The following ACAA2 variants were observed in gnomAD, a reference collection of about 807,000 sequenced individuals.
ACAA2 encodes the protein 3-ketoacyl-CoA thiolase, mitochondrial.
Under a neutral mutation model 44.8 loss-of-function variants are expected in ACAA2, and 35 were observed. The observed-to-expected ratio is 0.78, with a 90% CI of 0.60 to 1.04. ACAA2 has a LOEUF of 1.04. Among genes scored for constraint, ACAA2 ranks in the 50% least tolerant of loss-of-function variants. The pLI is 0.00. For missense variants in ACAA2, 468 were observed against 482.6 expected (o/e 0.97, Z 0.28); for synonymous variants, 142 against 166.5 (o/e 0.85, Z 1.13).
At chr18:49,792,033 C>T (rs1598793521) in intron 6 of ACAA2, 119 bp downstream of exon 6, 1 of 708,714 alleles carries the variant, frequency 1.4e-6, no homozygotes, top group East Asian at 2.7e-5. Context: ...AATATGAACA[C>T]TATTAGTTTA....
chr18:49,789,445 T>C (rs183429831), intron 7 of ACAA2, among the ~76,000 whole-genome samples: 1 of 152,262 alleles, frequency 6.6e-6, no homozygotes, highest in Admixed American at 6.5e-5. Context: ...AATGTACAGC[T>C]CTGTTCAAGC....
Position 49,785,246 on chromosome 18 carries a change from G to T in ACAA2, c.1060C>A (p.Leu354Met), listed in dbSNP as rs368291961. ...GTAATTCTTGATCCAGATCCTCCCA[G>T]TGGGTGACCCAAAGCAATGGCTCCT... The part of the protein sequence containing the change: ...NGGAIALGHP[L>M]GGSGSRITAH... Residue 354 changes from leucine (L) to methionine (M), a missense_variant, in exon 9 of 10, where the codon CTG becomes ATG. Transcript: ENST00000285093. The T allele has an allele frequency of 1.1e-4, 170 of 1,614,042 alleles. No individual in the cohort carries two copies. Among genetic ancestry groups the T allele is most frequent in the Non-Finnish European group, 9.7e-5 (115 of 1,180,016 alleles).
At position 49,783,416 on chromosome 18, in the gene ACAA2, A is replaced by T. The variant is rs1383329595; in HGVS notation, c.*431T>A. ...TTAATACCAGTGAATTGTACGCTAAAAAAGGGTTAAGATGGTAAAGTTTAT... is the reference window on the plus strand; with the variant it reads ...TTAATACCAGTGAATTGTACGCTAATAAAGGGTTAAGATGGTAAAGTTTAT... On this transcript the variant is annotated 3_prime_UTR_variant, in exon 10 of 10. Transcript: ENST00000285093. 1 of 155,196 alleles carries T rather than the reference A, an allele frequency of 6.4e-6. No homozygotes were observed. The highest frequency in any genetic ancestry group is 1.4e-5 in the Non-Finnish European group (1 of 69,732). 9.6% of individuals were successfully genotyped at this position (155,196 alleles called of 1,614,324 possible).
intron 1 of ACAA2, among the ~76,000 whole-genome samples, chr18:49,810,071 A>G (rs1188870685): frequency 1.3e-5 from 2 of 152,204 alleles, no homozygotes; most frequent in Non-Finnish European, 2.9e-5. Flanking sequence ...GTCGGATAGT[A>G]AAAAAACACG....
intron 1 of ACAA2, among the ~76,000 whole-genome samples, chr18:49,807,088 C>T (rs191141474): frequency 6.6e-6 from 1 of 152,120 alleles, no homozygotes; most frequent in Non-Finnish European, 1.5e-5. Flanking sequence ...TGAATCCAGG[C>T]AAAAATGCGT....
At chr18:49,793,348 T>C (rs1276949324) in intron 5 of ACAA2, among the ~76,000 whole-genome samples, 1 of 152,240 alleles carries the variant, frequency 6.6e-6, no homozygotes, top group Non-Finnish European at 1.5e-5. Context: ...TGCCCTTATT[T>C]GGTTTTAAAA....
chr18:49,807,820 G>C (rs1400635169), intron 1 of ACAA2, among the ~76,000 whole-genome samples: 1 of 152,084 alleles, frequency 6.6e-6, no homozygotes, highest in Non-Finnish European at 1.5e-5. Flanking sequence ...GACAGAGCGG[G>C]ACCCTCTAAA....
intron 2 of ACAA2, among the ~76,000 whole-genome samples, chr18:49,802,087 C>G (rs2023556912): frequency 6.6e-6 from 1 of 152,060 alleles, no homozygotes; most frequent in South Asian, 2.1e-4. Flanking sequence ...CTTGGGTTTA[C>G]TAAGGTGGCA....
intron 5 of ACAA2, among the ~76,000 whole-genome samples, chr18:49,793,036 G>C (rs2023424268): frequency 6.6e-6 from 1 of 152,062 alleles, no homozygotes. Flanking sequence ...GTTTGCTATA[G>C]ATGTAATGGC....
chr18:49,799,490 T>C (rs1158233201), intron 2 of ACAA2, among the ~76,000 whole-genome samples: 1 of 152,224 alleles, frequency 6.6e-6, no homozygotes, highest in Non-Finnish European at 1.5e-5. Flanking sequence ...GTGCTGGGAT[T>C]GCGGACGGAG....
rs2023280667 is a variant in ACAA2 at position 49,782,667 on chromosome 18, T to TGAAACCCCATC, written c.*1169_*1179dup. 6.6e-6 allele frequency: 1 copy of TGAAACCCCATC among 150,792 alleles called. No homozygotes were observed. Among genetic ancestry groups the TGAAACCCCATC allele is most frequent in the African/African-American group, 2.4e-5 (1 of 40,910 alleles). 9.3% of individuals were successfully genotyped at this position (150,792 alleles called of 1,614,324 possible). A position where few individuals can be genotyped will look rare whatever the true frequency, so the allele number is the denominator to read the frequency against. ...ATCGAGACCATCCTGGCTAACACGG[T>TGAAACCCCATC]GAAACCCCATCTCTACTAAAAATAC... On this transcript the variant is annotated 3_prime_UTR_variant, in exon 10 of 10. Transcript: ENST00000285093.
chr18:49,789,091 T>G lies in ACAA2; in HGVS notation c.884-1730A>C, dbSNP rs2023367729. On this transcript the variant is annotated intron_variant, in intron 7 of 9. Transcript: ENST00000285093. Reference sequence around the variant, plus strand: ...AGTTCCACCCACCAACCTCTACCATTGCCACCCCTGAGGAGTTCCAGGGAG... The same window carrying G: ...AGTTCCACCCACCAACCTCTACCATGGCCACCCCTGAGGAGTTCCAGGGAG... 2.0e-5 allele frequency among the ~76,000 whole-genome samples: 3 copies of G among 152,288 alleles called. No homozygotes were observed. The South Asian group carries it at 6.2e-4, about 32-fold the overall frequency.
rs114961687 is a variant in ACAA2 at position 49,802,853 on chromosome 18, C to T, written c.17G>A (p.Gly6Asp). The change falls in exon 2 of 10, where the codon GGT becomes GAT. Residue 6 changes from glycine to aspartate, a missense_variant and splice_region_variant. By Grantham distance (94) the Gly-to-Asp change is moderately conservative. Transcript: ENST00000285093. ...TCGCTTAGCAGCAACTACAAACACA[C>T]CTATTGCAACAAGAAGAGATTTGTA... MALLR[G>D]VFVVAAKRTP... 2.0e-4 allele frequency: 321 copies of T among 1,613,944 alleles called. No homozygotes were observed. In the African/African-American group the frequency reaches 3.7e-3, roughly 19 times the overall value.
intron 1 of ACAA2, among the ~76,000 whole-genome samples, chr18:49,806,409 G>T (rs1460377233): frequency 6.6e-6 from 1 of 152,162 alleles, no homozygotes; most frequent in Non-Finnish European, 1.5e-5. Flanking sequence ...TTAAAAAACT[G>T]AACTTAGATT....
chr18:49,799,814 G>A (rs1287133022), intron 2 of ACAA2, among the ~76,000 whole-genome samples: 6 of 146,886 alleles, frequency 4.1e-5, no homozygotes, highest in African/African-American at 1.3e-4. Flanking sequence ...GGTGAGGAGC[G>A]TCTCTGCCCG....
At chr18:49,795,681 T>C (rs904082812) in intron 4 of ACAA2, 84 bp downstream of exon 4, 2 of 759,196 alleles carry the variant, frequency 2.6e-6, no homozygotes, top group South Asian at 2.5e-5. Context: ...AAATTAGTTT[T>C]CTCTCCCATA....
At chr18:49,785,910 C>T (rs2023323299) in intron 8 of ACAA2, 1 of 152,388 alleles carries the variant, frequency 6.6e-6, no homozygotes, top group Non-Finnish European at 1.5e-5. Context: ...TGACACACAA[C>T]AAAGAATAAA....
chr18:49,798,011 T>G (rs2023484990), intron 2 of ACAA2, among the ~76,000 whole-genome samples: 1 of 152,234 alleles, frequency 6.6e-6, no homozygotes, highest in African/African-American at 2.4e-5. Context: ...TAGAGTTATT[T>G]AAAAATGGAA....
In ACAA2 at chr18:49,782,926, G is replaced by GAA. The variant is rs1568583070; in HGVS notation, c.*920_*921insTT. 2 of 151,978 alleles carry GAA rather than the reference G, an allele frequency of 1.3e-5. No individual in the cohort carries two copies. Among genetic ancestry groups the GAA allele is most frequent in the Non-Finnish European group, 2.9e-5 (2 of 68,028 alleles). The allele number at this position is 151,978 out of a possible 1,614,324, so 9.4% of individuals were successfully genotyped here. A position where few individuals can be genotyped will look rare whatever the true frequency, so the allele number is the denominator to read the frequency against. On this transcript the variant is annotated 3_prime_UTR_variant, in exon 10 of 10. Transcript: ENST00000285093. Reference sequence around the variant, plus strand: ...TTAATCTTAATTAAAATTTCCAGTGGCTCTTTGATGAAGTTAACAAGAATA... The same window carrying GAA: ...TTAATCTTAATTAAAATTTCCAGTGGAACTCTTTGATGAAGTTAACAAGAATA...
Sources: allele counts gnomAD v4.1 joint callset (sites outside exome capture counted in the v4.1 genomes callset), GRCh38; gene constraint gnomAD v4.1.1; transcripts MANE v1.5; gene names NCBI Gene and HGNC (gene_info 2026-07-23, HGNC 2026-07-21).